The following ESR1 variants were observed in gnomAD, a reference collection of about 807,000 sequenced individuals.
ESR1 encodes estrogen receptor.
A neutral mutation model predicts 52.7 loss-of-function variants in ESR1; 12 were observed. The observed-to-expected ratio is 0.23, with a 90% CI of 0.15 to 0.37. ESR1 has a LOEUF of 0.37. ESR1 is among the 10% of genes least tolerant of loss of function. ESR1 has a pLI of 1.00. For missense variants in ESR1, 584 were observed against 779.7 expected (o/e 0.75, Z 2.99); for synonymous variants, 305 against 316.8 (o/e 0.96, Z 0.39).
chr6:152,117,410 C>T (rs901670713), intron 6 of ESR1, among the ~76,000 whole-genome samples: 22 of 152,180 alleles, frequency 1.4e-4, no homozygotes, highest in Admixed American at 5.2e-4. Flanking sequence ...GATTTCTTCT[C>T]GATTGCCTGT....
intron 2 of ESR1, among the ~76,000 whole-genome samples, chr6:151,867,632 T>TA (rs1329296877): frequency 3.9e-5 from 6 of 152,292 alleles, no homozygotes; most frequent in Middle Eastern, 3.4e-3. Context: ...TGGCAATCAT[T>TA]AAGAAGTCAG....
intron 4 of ESR1, among the ~76,000 whole-genome samples, chr6:151,955,951 C>T (rs1471517725): frequency 6.6e-6 from 1 of 152,114 alleles, no homozygotes; most frequent in Non-Finnish European, 1.5e-5. Flanking sequence ...TTAGCTCCTA[C>T]TTATAAGTGA....
chr6:152,074,974 A>G (rs563483871), intron 6 of ESR1, among the ~76,000 whole-genome samples: 9 of 152,148 alleles, frequency 5.9e-5, no homozygotes, highest in Non-Finnish European at 1.3e-4. Context: ...AGCTCTTTGT[A>G]TATTTTGGAT....
intron 2 of ESR1, among the ~76,000 whole-genome samples, chr6:151,877,683 T>C (rs1282716826): frequency 1.3e-5 from 2 of 152,174 alleles, no homozygotes; most frequent in Non-Finnish European, 2.9e-5. Context: ...CCAATTCAGT[T>C]CTCCTGTCTT....
chr6:151,808,647 C>G (rs762905056), intron 1 of ESR1, among the ~76,000 whole-genome samples: 6 of 152,132 alleles, frequency 3.9e-5, no homozygotes, highest in Non-Finnish European at 7.4e-5. Flanking sequence ...GGCTTCCTAA[C>G]AAAACACACG....
At position 151,672,799 on chromosome 6, in the gene ESR1, A is replaced by C. The variant is rs544839276; in HGVS notation, n.73+16036A>C. On this transcript the variant is annotated intron_variant and non_coding_transcript_variant, in intron 1 of 2. Coordinates refer to the ESR1 transcript ENST00000473497. ...AAACCTTTTTTAAAAATATGTTTTA[A>C]CATTCTTTGTGCTCAAATTCATGAT... 4.0e-5 allele frequency among the ~76,000 whole-genome samples: 6 copies of C among 150,494 alleles called. No homozygotes were observed. The South Asian group carries it at 1.3e-3, about 32-fold the overall frequency.
At chr6:151,994,577 C>A (rs2041310045) in intron 4 of ESR1, among the ~76,000 whole-genome samples, 1 of 152,210 alleles carries the variant, frequency 6.6e-6, no homozygotes, top group African/African-American at 2.4e-5. Flanking sequence ...TGACTTAGGA[C>A]CCGTGGGTGA....
intron 6 of ESR1, among the ~76,000 whole-genome samples, chr6:152,110,513 C>A (rs937886180): frequency 6.6e-6 from 1 of 151,874 alleles, no homozygotes; most frequent in Non-Finnish European, 1.5e-5. Context: ...ACAACACATA[C>A]TGGGGCCTAT....
intron 6 of ESR1, among the ~76,000 whole-genome samples, chr6:152,122,975 TG>T (rs1341488620): frequency 9.9e-5 from 15 of 152,272 alleles, no homozygotes; most frequent in African/African-American, 3.6e-4. Flanking sequence ...CGAAAATAAC[TG>T]CTCTATACAC....
At chr6:151,760,564 C>T (rs1784590257) in intron 2 of ESR1, among the ~76,000 whole-genome samples, 1 of 152,150 alleles carries the variant, frequency 6.6e-6, no homozygotes, top group Non-Finnish European at 1.5e-5. Flanking sequence ...GTTTTGTTCT[C>T]TCCTTCCCGG....
At chr6:151,929,696 G>A (rs9478252) in intron 3 of ESR1, among the ~76,000 whole-genome samples, 119,699 of 151,796 alleles carry the variant, frequency 0.79, 47,806 homozygotes, top group African/African-American at 0.9. Context: ...GCTACTCAGG[G>A]GGCTGAGGCA....
intron 5 of ESR1, among the ~76,000 whole-genome samples, chr6:152,038,883 C>CA (rs1428671819): frequency 4.6e-5 from 7 of 152,138 alleles, no homozygotes; most frequent in Non-Finnish European, 1.0e-4. Flanking sequence ...CCCACCTCGG[C>CA]CTCCCAAAGT....
intron 6 of ESR1, among the ~76,000 whole-genome samples, chr6:152,123,070 T>C (rs2051947068): frequency 6.6e-6 from 1 of 152,230 alleles, no homozygotes; most frequent in Non-Finnish European, 1.5e-5. Context: ...AAGAATATCA[T>C]GAACATTGTT....
intron 1 of ESR1, among the ~76,000 whole-genome samples, chr6:151,831,784 G>A (rs1051556472): frequency 6.6e-6 from 1 of 152,316 alleles, no homozygotes; most frequent in Admixed American, 6.5e-5. Flanking sequence ...TTAAAATAGT[G>A]CCTGCCACAA....
At chr6:151,726,490 T>C (rs1328188976) in intron 2 of ESR1, among the ~76,000 whole-genome samples, 2 of 152,128 alleles carry the variant, frequency 1.3e-5, no homozygotes, top group South Asian at 2.1e-4. Context: ...TGCCACCACT[T>C]CCGGCTAATT....
intron 6 of ESR1, among the ~76,000 whole-genome samples, chr6:152,089,819 TC>T (rs1490946112): frequency 6.6e-6 from 1 of 152,220 alleles, no homozygotes. Context: ...TCTCAAGTGT[TC>T]CGCCTGCCTT....
chr6:151,666,744 A>G (rs1307362467), intron 1 of ESR1, among the ~76,000 whole-genome samples: 2 of 84,184 alleles, frequency 2.4e-5, no homozygotes, highest in Non-Finnish European at 4.9e-5. Context: ...CTCCTCCTCC[A>G]GGGAACATAT....
chr6:152,044,892 T>C (rs1350761276), intron 5 of ESR1, among the ~76,000 whole-genome samples: 1 of 152,206 alleles, frequency 6.6e-6, no homozygotes, highest in Non-Finnish European at 1.5e-5. Context: ...ATACTTTGCA[T>C]CCTTCAATTC....
intron 5 of ESR1, among the ~76,000 whole-genome samples, chr6:152,060,330 A>G (rs762329425): frequency 1.3e-5 from 2 of 152,112 alleles, no homozygotes; most frequent in Non-Finnish European, 2.9e-5. Context: ...ACACTGCTCT[A>G]TGTTCTTTCA....
Sources: allele counts gnomAD v4.1 joint callset (sites outside exome capture counted in the v4.1 genomes callset), GRCh38; gene constraint gnomAD v4.1.1; transcripts MANE v1.5; gene names NCBI Gene and HGNC (gene_info 2026-07-23, HGNC 2026-07-21).